Variants in QKI observed in about 807,000 individuals in gnomAD.
QKI encodes QKI, KH domain containing RNA binding, also known as KH domain-containing RNA-binding protein QKI.
QKI carries 10 observed loss-of-function variants against 39.0 expected under a neutral mutation model. The ratio of observed to expected loss-of-function variants is 0.26; its 90% CI spans 0.16 to 0.43. The LOEUF is 0.43. QKI is among the 20% of genes least tolerant of loss of function. The pLI is 1.00. For synonymous variants in QKI, 204 were observed against 155.4 expected, an observed-to-expected ratio of 1.31 and a Z score of -2.33; for missense variants, 218 against 428.0, an observed-to-expected ratio of 0.51 and a Z score of 4.33.
At chr6:163,549,207 A>G (rs762119789) in intron 4 of QKI, among the ~76,000 whole-genome samples, 8 of 150,936 alleles carry the variant, frequency 5.3e-5, no homozygotes, top group Non-Finnish European at 8.9e-5. Context: ...AGAGAGGTTG[A>G]GGGGGGGGAC....
intron 3 of QKI, among the ~76,000 whole-genome samples, chr6:163,507,875 A>G (rs1779199648): frequency 6.6e-6 from 1 of 152,250 alleles, no homozygotes; most frequent in Admixed American, 6.5e-5. Flanking sequence ...ACATTTTGGA[A>G]CTAAGAGACA....
chr6:163,471,681 G>T (rs80331274), intron 2 of QKI, among the ~76,000 whole-genome samples: 1 of 151,968 alleles, frequency 6.6e-6, no homozygotes, highest in Non-Finnish European at 1.5e-5. Context: ...AAGAAAATAC[G>T]TTCATATTTT....
At chr6:163,564,868 A>G in intron 6 of QKI, 1 of 1,382,826 alleles carries the variant, frequency 7.2e-7, no homozygotes, top group Non-Finnish European at 9.4e-7. Context: ...CATGCTGTTG[A>G]CTTTTAGGAC....
chr6:163,551,918 G>C (rs1208032487), intron 4 of QKI, among the ~76,000 whole-genome samples: 1 of 152,104 alleles, frequency 6.6e-6, no homozygotes, highest in Non-Finnish European at 1.5e-5. Context: ...TGCTTACACA[G>C]TTGACTTTTG....
intron 3 of QKI, among the ~76,000 whole-genome samples, chr6:163,518,649 T>A (rs896904298): frequency 6.6e-6 from 1 of 152,172 alleles, no homozygotes; most frequent in African/African-American, 2.4e-5. Flanking sequence ...TTATATTTCA[T>A]TGATGAGCAA....
rs1783789722 is a variant in QKI, at chr6:163,572,933, A to G, written c.*2223A>G. 2 of 151,956 alleles carry G rather than the reference A, an allele frequency of 1.3e-5. No individual in the cohort carries two copies. Among genetic ancestry groups the G allele is most frequent in the Non-Finnish European group, 2.9e-5 (2 of 67,996 alleles). The allele number at this position is 151,956 out of a possible 1,614,324, so 9.4% of individuals were successfully genotyped here. ...ATTTATTTACAATATATGCTGTGCC[A>G]TTTTGATTTTTATATTGTTTGGTTG... On this transcript the variant is annotated 3_prime_UTR_variant, in exon 8 of 8. Coordinates refer to ENST00000361752, the MANE Select transcript of QKI (RefSeq NM_006775.3).
Position 163,433,414 on chromosome 6 carries a change from A to C in QKI, c.142+18079A>C, listed in dbSNP as rs189964550. 2.0e-5 allele frequency among the ~76,000 whole-genome samples: 3 copies of C among 152,330 alleles called. No individual in the cohort carries two copies. The East Asian group carries it at 5.8e-4, about 29-fold the overall frequency. ...CTCTTTAATTGTTAATGTTACTATT[A>C]TTAAATAACAGGTACATATATCCTA... On this transcript the variant is annotated intron_variant, in intron 1 of 7. Coordinates refer to ENST00000361752, the MANE Select transcript of QKI (RefSeq NM_006775.3).
chr6:163,517,056 T>A (rs35544308), intron 3 of QKI, among the ~76,000 whole-genome samples: 53,314 of 121,258 alleles, frequency 0.44, 11,594 homozygotes, highest in East Asian at 0.58. Flanking sequence ...ACACACACAC[T>A]CACTCTCTCT....
chr6:163,525,652 A>G (rs186572889), intron 3 of QKI, among the ~76,000 whole-genome samples: 269 of 152,300 alleles, frequency 1.8e-3, no homozygotes, highest in Middle Eastern at 0.014. Flanking sequence ...GGCGTGAGCC[A>G]CCACGCCCGG....
rs1791421374 is a variant in QKI at position 163,462,402 on chromosome 6, G to C, written c.285+6981G>C. ...AATCAGTGTCATCAATAAGCAGCCT[G>C]TCTATCATAAACTTGGGCATCTACT... On this transcript the variant is annotated intron_variant, in intron 2 of 7. Coordinates refer to ENST00000361752, the MANE Select transcript of QKI (RefSeq NM_006775.3). 2.0e-5 allele frequency among the ~76,000 whole-genome samples: 3 copies of C among 152,186 alleles called. No homozygotes were observed. The South Asian group carries it at 6.2e-4, about 32-fold the overall frequency.
intron 4 of QKI, among the ~76,000 whole-genome samples, chr6:163,540,628 A>C (rs1308847047): frequency 1.3e-5 from 2 of 152,290 alleles, no homozygotes. Context: ...TATACTGCAA[A>C]AGTAATAAGG....
intron 3 of QKI, among the ~76,000 whole-genome samples, chr6:163,501,534 T>G (rs1778764633): frequency 6.6e-6 from 1 of 152,196 alleles, no homozygotes; most frequent in Non-Finnish European, 1.5e-5. Context: ...AGAACCCCGT[T>G]CCATGCAAGC....
intron 2 of QKI, among the ~76,000 whole-genome samples, chr6:163,470,228 T>TA (rs1280959963): frequency 2.0e-5 from 3 of 152,116 alleles, no homozygotes; most frequent in Admixed American, 2.0e-4. Context: ...TTGGAGTCTA[T>TA]AATTTGTCTA....
chr6:163,568,918 T>A, intron 7 of QKI: 1 of 985,898 alleles, frequency 1.0e-6, no homozygotes. Context: ...TGGCAGAGGA[T>A]GTAGTCTAGG....
At position 163,422,589 on chromosome 6, in the gene QKI, A is replaced by G. The variant is rs189450730; in HGVS notation, c.142+7254A>G. ...TTGGGCAACAGTGAGACCCTGTCTT[A>G]AAAAATAAAACATCAAAATGCAGTT... On this transcript the variant is annotated intron_variant, in intron 1 of 7. Coordinates refer to ENST00000361752, the MANE Select transcript of QKI (RefSeq NM_006775.3). Among the ~76,000 whole-genome samples, 11 of 152,292 alleles carry G rather than the reference A, an allele frequency of 7.2e-5. No individual in the cohort carries two copies. In the East Asian group the frequency reaches 2.1e-3, roughly 29 times the overall value.
chr6:163,542,499 TA>T (rs1781595038), intron 4 of QKI, among the ~76,000 whole-genome samples: 1 of 151,928 alleles, frequency 6.6e-6, no homozygotes, highest in Non-Finnish European at 1.5e-5. Flanking sequence ...AGTGGGGAGG[TA>T]AAAGGTTTCC....
At chr6:163,532,648 C>T (rs1023783427) in intron 3 of QKI, among the ~76,000 whole-genome samples, 4 of 152,166 alleles carry the variant, frequency 2.6e-5, no homozygotes, top group Non-Finnish European at 2.9e-5. Context: ...GGGAATCCTT[C>T]AAGTCTTTCA....
chr6:163,564,041 AC>A (rs1783200703), intron 6 of QKI: 1 of 1,138,104 alleles, frequency 8.8e-7, no homozygotes. Flanking sequence ...TTGGCCCGTC[AC>A]CTCCATCAGC....
At chr6:163,517,682 T>C (rs1779918102) in intron 3 of QKI, among the ~76,000 whole-genome samples, 1 of 152,164 alleles carries the variant, frequency 6.6e-6, no homozygotes, top group Non-Finnish European at 1.5e-5. Context: ...AAATATACTT[T>C]ATAGACCATC....
Sources: gnomAD v4.1 joint callset for allele counts (sites outside exome capture counted in the v4.1 genomes callset) on GRCh38, gnomAD v4.1.1 for gene constraint, MANE v1.5 for transcripts, NCBI Gene and HGNC (gene_info 2026-07-23, HGNC 2026-07-21) for gene names.